The following DBT variants were observed in gnomAD, a reference collection of about 807,000 sequenced individuals.
DBT encodes the protein lipoamide acyltransferase component of branched-chain alpha-keto acid dehydrogenase complex, mitochondrial.
A neutral mutation model predicts 51.3 loss-of-function variants in DBT; 40 were observed. The ratio of observed to expected loss-of-function variants is 0.78; its 90% CI spans 0.61 to 1.02. The LOEUF (loss-of-function observed/expected upper bound fraction) is 1.02. Among genes scored for constraint, DBT ranks in the 50% least tolerant of loss-of-function variants. DBT has a pLI of 0.00. For synonymous variants in DBT, 181 were observed against 190.4 expected (o/e 0.95, Z 0.41); for missense variants, 510 against 580.2 (o/e 0.88, Z 1.24).
intron 4 of DBT, among the ~76,000 whole-genome samples, chr1:100,227,403 CAT>C (rs1663284714): frequency 1.3e-5 from 2 of 151,746 alleles, no homozygotes; most frequent in East Asian, 1.9e-4. Context: ...ATACAGGTAG[CAT>C]ACAGATAGCC....
chr1:100,206,072 T>TAAAAAAAAA (rs35150096), intron 10 of DBT, among the ~76,000 whole-genome samples, 158 bp downstream of exon 10: 2 of 124,860 alleles, frequency 1.6e-5, no homozygotes, highest in African/African-American at 3.1e-5. Context: ...AACTTAAAGT[T>TAAAAAAAAA]AAAAAAAAAA....
At chr1:100,204,020 C>T (rs928971084) in intron 10 of DBT, among the ~76,000 whole-genome samples, 1 of 152,152 alleles carries the variant, frequency 6.6e-6, no homozygotes, top group African/African-American at 2.4e-5. Flanking sequence ...AAGCTGGAAG[C>T]ATTCCCTCTG....
intron 4 of DBT, among the ~76,000 whole-genome samples, chr1:100,229,253 C>T (rs913324719): frequency 2.0e-5 from 3 of 152,104 alleles, no homozygotes; most frequent in African/African-American, 7.2e-5. Flanking sequence ...CTGCAACCTC[C>T]ACCTCCCGGG....
chr1:100,200,156 G>T (rs1467144943), intron 10 of DBT, among the ~76,000 whole-genome samples: 1 of 152,194 alleles, frequency 6.6e-6, no homozygotes, highest in African/African-American at 2.4e-5. Context: ...AGATCCACTG[G>T]CTTGAAATTC....
rs1710642664 is a variant in DBT, at chr1:100,190,216, A to G, written c.*6039T>C. The G allele has an allele frequency of 6.6e-6, 1 of 152,150 alleles. No individual in the cohort carries two copies. Among genetic ancestry groups the G allele is most frequent in the African/African-American group, 2.4e-5 (1 of 41,430 alleles). The allele number at this position is 152,150 out of a possible 1,614,324, so 9.4% of individuals were successfully genotyped here. On this transcript the variant is annotated 3_prime_UTR_variant, in exon 11 of 11. Transcript: ENST00000370132. ...GGGAGGGGAGCATTCTGCTCTGCCTAGTCATTTGGAACACTGGCTCCTTCT... is the reference window on the plus strand; with the variant it reads ...GGGAGGGGAGCATTCTGCTCTGCCTGGTCATTTGGAACACTGGCTCCTTCT...
At chr1:100,228,528 G>T (rs1267317417) in intron 4 of DBT, among the ~76,000 whole-genome samples, 2 of 152,196 alleles carry the variant, frequency 1.3e-5, no homozygotes, top group African/African-American at 4.8e-5. Context: ...GGAGGATGCG[G>T]CCAGCAGATC....
rs113151935 is a variant in DBT, at chr1:100,220,655, G to A, written c.434-1908C>T. Reference sequence around the variant, plus strand: ...CTTACTTTTCATTACAACTGTTTAAGATAGGTATTATTATCCCCATTTTAT... The same window carrying A: ...CTTACTTTTCATTACAACTGTTTAAAATAGGTATTATTATCCCCATTTTAT... On this transcript the variant is annotated intron_variant, in intron 4 of 10. Transcript: ENST00000370132. Among the ~76,000 whole-genome samples, 1,164 of 152,310 alleles carry A rather than the reference G, an allele frequency of 7.6e-3. 18 individuals are homozygous for A. Among genetic ancestry groups the A allele is most frequent in the Non-Finnish European group, 8.2e-3 (556 of 68,026 alleles).
intron 4 of DBT, among the ~76,000 whole-genome samples, chr1:100,227,241 C>T (rs1468651679): frequency 3.3e-5 from 5 of 152,148 alleles, no homozygotes; most frequent in African/African-American, 9.7e-5. Flanking sequence ...CGTCGTTATG[C>T]GACATATGAC....
rs779825242 is a variant in DBT at position 100,230,833 on chromosome 1, A to G, written c.333T>C (p.Thr111=). 6.3e-7 allele frequency: 1 copy of G among 1,597,706 alleles called. No homozygotes were observed. Among genetic ancestry groups the G allele is most frequent in the Non-Finnish European group, 8.6e-7 (1 of 1,165,170 alleles). The stretch of plus-strand genomic sequence containing the variant: ...TTTTAATGACTCCATCATAACGACT[A>G]GTGATGGTAACAGAAGCTTTATCAC... ...VQSDKASVTI[T]SRYDGVIKKL... The change falls in exon 4 of 11, where the codon ACT becomes ACC. Residue 111 remains threonine (T), a synonymous_variant. Transcript: ENST00000370132.
intron 10 of DBT, among the ~76,000 whole-genome samples, chr1:100,200,697 T>C (rs1032536723): frequency 3.7e-4 from 56 of 152,152 alleles, no homozygotes; most frequent in Non-Finnish European, 7.8e-4. Flanking sequence ...GGGATGAAGC[T>C]TCCAGAGGAA....
At chr1:100,209,804 C>T (rs1662023489) in intron 8 of DBT, among the ~76,000 whole-genome samples, 1 of 151,974 alleles carries the variant, frequency 6.6e-6, no homozygotes, top group South Asian at 2.1e-4. Context: ...TCACATGATC[C>T]ACCCGCCTCA....
chr1:100,215,608 G>C (rs1662427539), intron 6 of DBT, among the ~76,000 whole-genome samples: 1 of 152,118 alleles, frequency 6.6e-6, no homozygotes, highest in Non-Finnish European at 1.5e-5. Context: ...ATCACCTGAG[G>C]TCAGGAGTTC....
intron 10 of DBT, among the ~76,000 whole-genome samples, chr1:100,201,206 T>C (rs1310369233): frequency 4.6e-5 from 7 of 151,902 alleles, no homozygotes; most frequent in African/African-American, 1.7e-4. Context: ...GAGAAGAACA[T>C]AAATGACCTG....
intron 4 of DBT, 107 bp downstream of exon 4, chr1:100,230,626 A>C: frequency 1.7e-6 from 1 of 585,564 alleles, no homozygotes; most frequent in Non-Finnish European, 2.8e-6. Context: ...ATAAATAGGA[A>C]TAGAAAAAAA....
At chr1:100,243,251 C>A (rs1179581317) in intron 1 of DBT, among the ~76,000 whole-genome samples, 1 of 107,558 alleles carries the variant, frequency 9.3e-6, no homozygotes, top group Non-Finnish European at 2.0e-5. Flanking sequence ...GACAGAGAGA[C>A]CTTGTCTCCA....
At chr1:100,212,642 A>G (rs1181776182) in intron 7 of DBT, among the ~76,000 whole-genome samples, 1 of 152,242 alleles carries the variant, frequency 6.6e-6, no homozygotes, top group Non-Finnish European at 1.5e-5. Flanking sequence ...AAAACTGAGT[A>G]AGCACTCAAT....
At chr1:100,213,615 G>A in intron 7 of DBT, 1 of 1,603,128 alleles carries the variant, frequency 6.2e-7, no homozygotes, top group South Asian at 1.1e-5. Context: ...GGGTTCATTT[G>A]CTGTTTTGCC....
At chr1:100,225,042 A>AATATATGTAT (rs1553231589) in intron 4 of DBT, among the ~76,000 whole-genome samples, 1 of 45,656 alleles carries the variant, frequency 2.2e-5, no homozygotes, top group Non-Finnish European at 4.7e-5. Flanking sequence ...AAAAAAAAAA[A>AATATATGTAT]ATATATATAT....
At position 100,211,140 on chromosome 1, in the gene DBT, C is replaced by CA. The variant is rs372638755; in HGVS notation, c.940-370dup. Reference sequence around the variant, plus strand: ...AGAAGTAATACTAGGAATCAAAACACAAAAAAAGCAGGTAAGCTATTTCTC... The same window carrying CA: ...AGAAGTAATACTAGGAATCAAAACACAAAAAAAAGCAGGTAAGCTATTTCTC... On this transcript the variant is annotated intron_variant, in intron 7 of 10. Transcript: ENST00000370132. The CA allele has an allele frequency of 1.4e-5, 11 of 777,176 alleles. No homozygotes were observed. In the African/African-American group the frequency reaches 1.5e-4, roughly 11 times the overall value. The allele number at this position is 777,176 out of a possible 1,614,324, so 48.1% of individuals were successfully genotyped here. A position where few individuals can be genotyped will look rare whatever the true frequency, so the allele number is the denominator to read the frequency against.
Sources: gnomAD v4.1 joint callset for allele counts (sites outside exome capture counted in the v4.1 genomes callset) on GRCh38, gnomAD v4.1.1 for gene constraint, MANE v1.5 for transcripts, NCBI Gene and HGNC (gene_info 2026-07-23, HGNC 2026-07-21) for gene names.